The following ST18 variants were observed in gnomAD, a reference collection of about 807,000 sequenced individuals.
ST18 encodes ST18 C2H2C-type zinc finger transcription factor, also known as suppression of tumorigenicity 18 protein.
Under a neutral mutation model 110.0 loss-of-function variants are expected in ST18, and 50 were observed. The observed-to-expected ratio is 0.45, with a 90% CI of 0.36 to 0.58. The LOEUF is 0.58. Among genes scored for constraint, ST18 ranks in the 20% least tolerant of loss-of-function variants. The probability of loss-of-function intolerance (pLI) is 0.00; values close to 1 mark genes in which losing one functional copy is unlikely to be tolerated. For missense variants in ST18, 1,306 were observed against 1,280.1 expected, an observed-to-expected ratio of 1.02 and a Z score of -0.31; for synonymous variants, 461 against 452.4, an observed-to-expected ratio of 1.02 and a Z score of -0.24.
intron 12 of ST18, 109 bp downstream of exon 12, chr8:52,165,008 TCAAGTGTCACATATTGGA>T: frequency 2.5e-6 from 2 of 802,262 alleles, no homozygotes; most frequent in South Asian, 3.4e-5. Flanking sequence ...CTTCTCTATT[TCAAGTGTCACATATTGGA>T]CAGTGATGCA....
intron 2 of ST18, among the ~76,000 whole-genome samples, chr8:52,342,747 G>A (rs1041455578): frequency 5.9e-5 from 9 of 152,032 alleles, no homozygotes; most frequent in African/African-American, 1.9e-4. Flanking sequence ...TGAGTAGCAG[G>A]GCACTAGAAC....
chr8:52,283,277 CTG>C (rs1308188010), intron 2 of ST18, among the ~76,000 whole-genome samples: 3 of 152,168 alleles, frequency 2.0e-5, no homozygotes, highest in Admixed American at 6.5e-5. Context: ...ATGGAGGTGA[CTG>C]TCAGACATTG....
chr8:52,130,184 C>G (rs1165502220), intron 22 of ST18, among the ~76,000 whole-genome samples: 2 of 132,908 alleles, frequency 1.5e-5, no homozygotes, highest in Non-Finnish European at 3.4e-5. Flanking sequence ...GAAAATAGTA[C>G]CTTGGCATTA....
Position 52,303,334 on chromosome 8 carries a change from G to A in ST18, c.-464-73257C>T, listed in dbSNP as rs114623738. On this transcript the variant is annotated intron_variant, in intron 2 of 25. Transcript: ENST00000689386. ...TTGCCTCCTTTGTTATGTTGCCTTC[G>A]TCCCTTTATGTTTGTGTTTTCATGT... is the stretch of plus-strand genomic sequence containing the variant. Among the ~76,000 whole-genome samples, 952 of 152,238 alleles carry A rather than the reference G, an allele frequency of 6.3e-3. 7 individuals are homozygous for A. The highest frequency in any genetic ancestry group is 0.022 in the African/African-American group (898 of 41,552).
intron 6 of ST18, among the ~76,000 whole-genome samples, chr8:52,216,766 C>A (rs566560336): frequency 1.3e-5 from 2 of 152,236 alleles, no homozygotes; most frequent in Admixed American, 1.3e-4. Context: ...TTGGATTATT[C>A]TCACGGACCT....
At chr8:52,305,741 T>A (rs963658039) in intron 2 of ST18, among the ~76,000 whole-genome samples, 1 of 152,018 alleles carries the variant, frequency 6.6e-6, no homozygotes, top group Admixed American at 6.6e-5. Flanking sequence ...TCACAATATC[T>A]CCAGATAAGA....
intron 2 of ST18, among the ~76,000 whole-genome samples, chr8:52,282,233 A>G (rs1181984200): frequency 6.6e-6 from 1 of 152,190 alleles, no homozygotes; most frequent in East Asian, 1.9e-4. Context: ...AAAACCCAAG[A>G]GAAGGAAATT....
chr8:52,393,611 G>A (rs1840052608), intron 2 of ST18: 1 of 152,082 alleles, frequency 6.6e-6, no homozygotes. Context: ...GCTGGACACA[G>A]TGGTTCAAGC....
At chr8:52,168,109 A>G (rs1279523264) in intron 10 of ST18, among the ~76,000 whole-genome samples, 1 of 151,194 alleles carries the variant, frequency 6.6e-6, no homozygotes, top group East Asian at 1.9e-4. Flanking sequence ...AACACCAACC[A>G]TGGGGAGAGC....
At chr8:52,228,859 C>G (rs57885791) in intron 3 of ST18, among the ~76,000 whole-genome samples, 4 of 152,038 alleles carry the variant, frequency 2.6e-5, no homozygotes, top group South Asian at 2.1e-4. Flanking sequence ...CCTTCTACCC[C>G]TCGATGTTCC....
At position 52,380,258 on chromosome 8, in the gene ST18, C is replaced by T. The variant is rs373359571; in HGVS notation, c.-465+29070G>A. ...ATTTATGATATTCATTTATACAATA[C>T]AGAACTATAAATGCATTTTTCATTC... On this transcript the variant is annotated intron_variant, in intron 2 of 25. Transcript: ENST00000689386. Among the ~76,000 whole-genome samples the T allele has an allele frequency of 3.5e-3, 526 of 152,282 alleles. 6 individuals are homozygous for T. Among genetic ancestry groups the T allele is most frequent in the African/African-American group, 0.012 (502 of 41,558 alleles).
intron 8 of ST18, among the ~76,000 whole-genome samples, chr8:52,210,438 A>C (rs2081786064): frequency 6.6e-6 from 1 of 152,102 alleles, no homozygotes; most frequent in South Asian, 2.1e-4. Context: ...TGGGAGAAAC[A>C]CTTGAGCCCA....
At position 52,143,844 on chromosome 8, in the gene ST18, T is replaced by C. The variant is rs187025533; in HGVS notation, c.2053-799A>G. On this transcript the variant is annotated intron_variant, in intron 16 of 25. Transcript: ENST00000689386. ...CGGAATGCCCTTTCTAATGTACAGG[T>C]AATTAAGATCTAAATTATTTGTTTA... Among the ~76,000 whole-genome samples, 59 of 152,336 alleles carry C rather than the reference T, an allele frequency of 3.9e-4. 1 individual carries two copies. The highest frequency in any genetic ancestry group is 1.2e-3 in the African/African-American group (48 of 41,588).
In ST18 at chr8:52,118,363, G is replaced by A. The variant is rs117471862; in HGVS notation, c.2834C>T (p.Ala945Val). 2.5e-6 allele frequency: 4 copies of A among 1,607,872 alleles called. No individual in the cohort carries two copies. Among genetic ancestry groups the A allele is most frequent in the South Asian group, 2.2e-5 (2 of 89,480 alleles). Residue 945 changes from alanine (A) to valine (V), a missense_variant, in exon 24 of 26, where the codon GCA becomes GTA. Ala to Val is a moderately conservative substitution (Grantham distance 64). Transcript: ENST00000689386. ...CTGGGTCTGAAGTTTCATCATATCT[G>A]CTTCAATTTTAAGGTTGGATTCATT... Reference protein sequence around the residue: ...ELNESNLKIEADMMKLQTQIT... With the variant: ...ELNESNLKIEVDMMKLQTQIT...
intron 2 of ST18, among the ~76,000 whole-genome samples, chr8:52,389,227 C>T (rs868010637): frequency 6.6e-6 from 1 of 152,150 alleles, no homozygotes. Context: ...GGAGCAGCAC[C>T]ATCAGACTCC....
chr8:52,332,406 CAAGAG>C (rs1237094506), intron 2 of ST18, among the ~76,000 whole-genome samples: 1 of 151,862 alleles, frequency 6.6e-6, no homozygotes, highest in African/African-American at 2.4e-5. Flanking sequence ...ACATTGAATT[CAAGAG>C]AAGAGAATTC....
intron 2 of ST18, among the ~76,000 whole-genome samples, chr8:52,314,106 C>A (rs187965524): frequency 6.6e-6 from 1 of 152,146 alleles, no homozygotes; most frequent in Non-Finnish European, 1.5e-5. Context: ...CCATTCCTGC[C>A]CAAAATGGGG....
At chr8:52,124,698 T>C (rs941137441) in intron 23 of ST18, among the ~76,000 whole-genome samples, 2 of 152,152 alleles carry the variant, frequency 1.3e-5, no homozygotes, top group Non-Finnish European at 1.5e-5. Flanking sequence ...CTGGAAAGAC[T>C]GGAAGAGGCA....
intron 2 of ST18, among the ~76,000 whole-genome samples, chr8:52,367,801 C>A (rs189353167): frequency 6.6e-6 from 1 of 152,222 alleles, no homozygotes; most frequent in African/African-American, 2.4e-5. Flanking sequence ...GCCTGTAGCC[C>A]CTGATCACCT....
Sources: gnomAD v4.1 joint callset for allele counts (sites outside exome capture counted in the v4.1 genomes callset) on GRCh38, gnomAD v4.1.1 for gene constraint, MANE v1.5 for transcripts, NCBI Gene and HGNC (gene_info 2026-07-23, HGNC 2026-07-21) for gene names.